ZNF407: variants seen among roughly 807,000 people sequenced by gnomAD.
The protein encoded by ZNF407 is zinc finger protein 407.
In ZNF407, 17 loss-of-function variants were observed where a neutral mutation model predicts 131.2. That is an observed-to-expected ratio of 0.13 (90% CI 0.09 to 0.19). ZNF407 has a LOEUF of 0.19. Among genes scored for constraint, ZNF407 ranks in the 10% least tolerant of loss-of-function variants. The pLI is 1.00. For missense variants in ZNF407, 2,681 were observed against 2,830.6 expected (o/e 0.95, Z 1.20); for synonymous variants, 1,156 against 1,062.0 (o/e 1.09, Z -1.72).
chr18:74,801,538 T>A (rs1368825274), intron 4 of ZNF407, among the ~76,000 whole-genome samples: 1 of 152,242 alleles, frequency 6.6e-6, no homozygotes, highest in African/African-American at 2.4e-5. Flanking sequence ...TATATTCAAT[T>A]ATATCCTGAA....
intron 4 of ZNF407, among the ~76,000 whole-genome samples, chr18:74,799,861 A>C (rs1369163898): frequency 2.0e-5 from 3 of 149,736 alleles, no homozygotes; most frequent in Non-Finnish European, 4.5e-5. Context: ...TGTCATTCTT[A>C]GGTTCTATTG....
intron 8 of ZNF407, among the ~76,000 whole-genome samples, chr18:74,945,592 C>T (rs756957617): frequency 6.6e-6 from 1 of 152,108 alleles, no homozygotes; most frequent in Non-Finnish European, 1.5e-5. Context: ...TTTAAAAGCC[C>T]TTGACAGTAT....
intron 8 of ZNF407, among the ~76,000 whole-genome samples, chr18:74,941,113 T>C (rs888991575): frequency 2.0e-5 from 3 of 152,142 alleles, no homozygotes; most frequent in African/African-American, 7.2e-5. Context: ...CCTCTTATTC[T>C]CTTGTGACTG....
rs953480136 is a variant in ZNF407 at position 74,649,957 on chromosome 18, G to T, written c.4802+8835G>T. Among the ~76,000 whole-genome samples, 7 of 152,116 alleles carry T rather than the reference G, an allele frequency of 4.6e-5. No individual in the cohort carries two copies. In the South Asian group the frequency reaches 6.2e-4, roughly 14 times the overall value. On this transcript the variant is annotated intron_variant, in intron 3 of 8. Transcript: ENST00000299687. ...TCTATTATAATTCCTTTTGAGTTTA[G>T]ATGGTCACTTCTATCAAAGGATAGA...
At chr18:74,625,111 TTTG>T (rs1259152107) in intron 1 of ZNF407, among the ~76,000 whole-genome samples, 2 of 152,208 alleles carry the variant, frequency 1.3e-5, no homozygotes, top group Non-Finnish European at 1.5e-5. Flanking sequence ...TTGTTGAATG[TTTG>T]TTGTTATTTC....
intron 1 of ZNF407, among the ~76,000 whole-genome samples, chr18:74,599,071 G>T (rs1422033586): frequency 6.6e-6 from 1 of 152,096 alleles, no homozygotes; most frequent in East Asian, 1.9e-4. Flanking sequence ...CTGTAGACAG[G>T]GGCCCTAACA....
chr18:75,041,720 A>G (rs2122241590), intron 8 of ZNF407, among the ~76,000 whole-genome samples: 1 of 152,334 alleles, frequency 6.6e-6, no homozygotes, highest in Non-Finnish European at 1.5e-5. Context: ...ACTAAGGAAC[A>G]GTGTTGATTG....
chr18:74,742,180 T>A (rs1968564993), intron 3 of ZNF407, among the ~76,000 whole-genome samples: 1 of 152,138 alleles, frequency 6.6e-6, no homozygotes, highest in African/African-American at 2.4e-5. Flanking sequence ...TTGAAATAGG[T>A]AAAGAGAAGT....
chr18:74,874,496 G>C (rs1041850121), intron 4 of ZNF407, among the ~76,000 whole-genome samples: 2 of 152,162 alleles, frequency 1.3e-5, no homozygotes, highest in African/African-American at 2.4e-5. Flanking sequence ...CATCTCCTTG[G>C]GGGGTGGCAG....
At chr18:74,909,281 A>T (rs1388638731) in intron 7 of ZNF407, among the ~76,000 whole-genome samples, 1 of 152,012 alleles carries the variant, frequency 6.6e-6, no homozygotes, top group Non-Finnish European at 1.5e-5. Flanking sequence ...GCCGATAATG[A>T]CTCACATAGT....
Position 75,048,460 on chromosome 18 carries a change from G to A in ZNF407, c.5429-14690G>A, listed in dbSNP as rs76287375. On this transcript the variant is annotated intron_variant, in intron 8 of 8. Transcript: ENST00000299687. The surrounding 1 kb of genome is among the most constrained non-coding windows in gnomAD (Gnocchi z 4.1). The stretch of plus-strand genomic sequence containing the variant: ...CTCAGCTTGGTTCTCAGCCTCCCAC[G>A]CAGCACCCAGGTGACTTCAACCCTC... Among the ~76,000 whole-genome samples the A allele has an allele frequency of 0.034, 5,247 of 152,108 alleles. 138 individuals carry two copies. Among genetic ancestry groups the A allele is most frequent in the African/African-American group, 0.071 (2,923 of 41,444 alleles).
At position 74,878,524 on chromosome 18, in the gene ZNF407, G is replaced by T. The variant is rs182454641; in HGVS notation, c.5044+1161G>T. On this transcript the variant is annotated intron_variant, in intron 5 of 8. Coordinates refer to ENST00000299687, the MANE Select transcript of ZNF407 (RefSeq NM_017757.3). The stretch of plus-strand genomic sequence containing the variant: ...GCCAGTGCAGATGTAATTTATCGTC[G>T]GCGTTTCCTTCTAAAGAATAATTGT... Among the ~76,000 whole-genome samples, 22 of 152,046 alleles carry T rather than the reference G, an allele frequency of 1.4e-4. 1 individual carries two copies. Among genetic ancestry groups the T allele is most frequent in the African/African-American group, 5.1e-4 (21 of 41,400 alleles).
intron 3 of ZNF407, among the ~76,000 whole-genome samples, chr18:74,722,570 A>G (rs1377450789): frequency 6.6e-6 from 1 of 152,092 alleles, no homozygotes; most frequent in Non-Finnish European, 1.5e-5. Context: ...TCACCTTGGC[A>G]CAGAGCTCCA....
intron 4 of ZNF407, among the ~76,000 whole-genome samples, chr18:74,876,369 C>T (rs1262840183): frequency 3.9e-5 from 6 of 152,110 alleles, no homozygotes; most frequent in Non-Finnish European, 8.8e-5. Context: ...TTGTTTTAAA[C>T]TCATATTGGA....
At chr18:74,658,144 G>A (rs980947830) in intron 3 of ZNF407, among the ~76,000 whole-genome samples, 1 of 151,520 alleles carries the variant, frequency 6.6e-6, no homozygotes, top group Admixed American at 6.6e-5. Context: ...ACGGAGCCTC[G>A]CTCTGTAGCC....
intron 3 of ZNF407, among the ~76,000 whole-genome samples, chr18:74,755,758 T>TTTCTTTCC (rs1968933048): frequency 7.9e-6 from 1 of 126,758 alleles, no homozygotes; most frequent in Non-Finnish European, 1.6e-5. Context: ...TCTTTCTTTC[T>TTTCTTTCC]TTCTTTCTTT....
intron 1 of ZNF407, among the ~76,000 whole-genome samples, chr18:74,610,531 G>A (rs1021122360): frequency 3.3e-5 from 5 of 152,026 alleles, no homozygotes; most frequent in African/African-American, 1.2e-4. Context: ...TTTAGAATAG[G>A]ACTTAAATAT....
chr18:74,884,355 A>T (rs1257712382), intron 6 of ZNF407, among the ~76,000 whole-genome samples: 1 of 152,188 alleles, frequency 6.6e-6, no homozygotes, highest in African/African-American at 2.4e-5. Flanking sequence ...AGAATTACCA[A>T]ATTATGTATT....
At chr18:74,948,266 C>A (rs1185159743) in intron 8 of ZNF407, among the ~76,000 whole-genome samples, 1 of 152,170 alleles carries the variant, frequency 6.6e-6, no homozygotes, top group East Asian at 1.9e-4. Flanking sequence ...CTTTATGTGC[C>A]ATGGGAGTAT....
Sources: gnomAD v4.1 joint callset for allele counts (sites outside exome capture counted in the v4.1 genomes callset) on GRCh38, gnomAD v4.1.1 for gene constraint, Gnocchi (gnomAD v3.1) non-coding constraint, MANE v1.5 for transcripts, NCBI Gene and HGNC (gene_info 2026-07-23, HGNC 2026-07-21) for gene names.